The following C13orf42 variants were observed in gnomAD, a reference collection of about 807,000 sequenced individuals.
The protein encoded by C13orf42 is chromosome 13 open reading frame 42, also known as uncharacterized protein C13orf42.
In C13orf42 at chr13:51,119,120, G is replaced by A. The variant is rs1045158670; in HGVS notation, n.137-5898C>T. Among the ~76,000 whole-genome samples the A allele has an allele frequency of 1.3e-4, 19 of 151,772 alleles. 2 individuals carry two copies. Among genetic ancestry groups the A allele is most frequent in the Admixed American group, 3.9e-4 (6 of 15,252 alleles). ...GCCCTGGTGTATGGTGTGCCCAGGC[G>A]TATGGCATGCCCAGGTGTACAGTAT... On this transcript the variant is annotated intron_variant and non_coding_transcript_variant, in intron 1 of 4. Transcript: ENST00000433280.
intron 1 of C13orf42, among the ~76,000 whole-genome samples, chr13:51,129,777 T>C (rs1475211544): frequency 6.6e-6 from 1 of 152,216 alleles, no homozygotes; most frequent in East Asian, 1.9e-4. Context: ...TGTTCTGTCA[T>C]AAAGAGGGGT....
intron 1 of C13orf42, among the ~76,000 whole-genome samples, chr13:51,092,741 T>A (rs1199900774): frequency 1.3e-5 from 2 of 152,102 alleles, no homozygotes; most frequent in Admixed American, 1.3e-4. Flanking sequence ...TTAATTTTAA[T>A]AAGCAAGTCA....
intron 1 of C13orf42, among the ~76,000 whole-genome samples, chr13:51,157,302 T>A (rs928549446): frequency 6.6e-6 from 1 of 152,096 alleles, no homozygotes; most frequent in Non-Finnish European, 1.5e-5. Flanking sequence ...AGCGCAGTGG[T>A]GTGCACGTGT....
At chr13:51,097,082 C>T (rs919597401) in intron 1 of C13orf42, among the ~76,000 whole-genome samples, 3 of 152,226 alleles carry the variant, frequency 2.0e-5, no homozygotes, top group Non-Finnish European at 4.4e-5. Context: ...GAGGATCACT[C>T]TATAGCAGTA....
chr13:51,171,816 G>C (rs1271765535), intron 1 of C13orf42, among the ~76,000 whole-genome samples: 1 of 151,812 alleles, frequency 6.6e-6, no homozygotes, highest in East Asian at 1.9e-4. Flanking sequence ...CCAGTTCATG[G>C]CTTGTTTGGC....
chr13:51,163,741 TCA>T (rs756651680), intron 1 of C13orf42, among the ~76,000 whole-genome samples: 1 of 152,092 alleles, frequency 6.6e-6, no homozygotes, highest in Non-Finnish European at 1.5e-5. Context: ...AACTCTGAAC[TCA>T]CATTCTTCTT....
At position 51,133,786 on chromosome 13, in the gene C13orf42, C is replaced by T. The variant is rs866451544; in HGVS notation, n.137-20564G>A. On this transcript the variant is annotated intron_variant and non_coding_transcript_variant, in intron 1 of 4. Transcript: ENST00000433280. ...TCCTGCATCTCGAACTCTGTGCCAC[C>T]GTGTGTCCAAGAGAAAAATGAGACA... Among the ~76,000 whole-genome samples, 29 of 152,196 alleles carry T rather than the reference C, an allele frequency of 1.9e-4. No homozygotes were observed. The Middle Eastern group carries it at 0.014, about 71-fold the overall frequency.
chr13:51,089,554 A>C (rs1379031644), intron 1 of C13orf42, among the ~76,000 whole-genome samples: 6 of 152,150 alleles, frequency 3.9e-5, no homozygotes, highest in Non-Finnish European at 7.4e-5. Flanking sequence ...TGCCTTGTGA[A>C]GAAGCTGCCT....
intron 1 of C13orf42, among the ~76,000 whole-genome samples, chr13:51,123,874 T>C (rs1022955538): frequency 2.6e-5 from 4 of 152,198 alleles, no homozygotes; most frequent in Non-Finnish European, 5.9e-5. Context: ...TAGTCTGAAC[T>C]AGCCTTCGGA....
rs145433173 is a variant in C13orf42, at chr13:51,105,836, G to A, written c.414+4960C>T. 2.2e-4 allele frequency among the ~76,000 whole-genome samples: 34 copies of A among 152,232 alleles called. No individual in the cohort carries two copies. In the East Asian group the frequency reaches 6.2e-3, roughly 28 times the overall value. On this transcript the variant is annotated intron_variant, in intron 1 of 3. Coordinates refer to ENST00000563710, the MANE Select transcript of C13orf42 (RefSeq NM_001351589.3). ...ATACGTTTTCCAGTCAAAAGATGCT[G>A]TAGATATATTGACAGTATGAGTTTC...
chr13:51,086,284 C>T (rs1214854653), intron 2 of C13orf42, among the ~76,000 whole-genome samples: 9 of 132,362 alleles, frequency 6.8e-5, no homozygotes, highest in Non-Finnish European at 1.1e-4. Context: ...ACAGCCTGGG[C>T]GATGGAGCGA....
chr13:51,132,198 T>C (rs1953622778), intron 1 of C13orf42, among the ~76,000 whole-genome samples: 1 of 152,206 alleles, frequency 6.6e-6, no homozygotes, highest in African/African-American at 2.4e-5. Context: ...ATCCCAGCAC[T>C]TTGGGAGGCC....
chr13:51,134,626 A>G (rs1490125016), intron 1 of C13orf42, among the ~76,000 whole-genome samples: 1 of 152,218 alleles, frequency 6.6e-6, no homozygotes, highest in Non-Finnish European at 1.5e-5. Flanking sequence ...GTCTGAGGTT[A>G]ATTTGATCAC....
intron 1 of C13orf42, among the ~76,000 whole-genome samples, chr13:51,088,457 T>C (rs1468817494): frequency 6.6e-6 from 1 of 152,350 alleles, no homozygotes; most frequent in South Asian, 2.1e-4. Context: ...AGGAAAGAGA[T>C]GATAGATCTC....
chr13:51,153,619 C>CTTTTTTTTTTTTTTTTTT (rs1953799149), intron 1 of C13orf42, among the ~76,000 whole-genome samples: 1 of 94,846 alleles, frequency 1.1e-5, no homozygotes, highest in African/African-American at 3.6e-5. Flanking sequence ...TTCTTGCTTT[C>CTTTTTTTTTTTTTTTTTT]TGTTTTTTTT....
intron 1 of C13orf42, among the ~76,000 whole-genome samples, chr13:51,131,226 G>A (rs1953614300): frequency 6.6e-6 from 1 of 152,152 alleles, no homozygotes; most frequent in African/African-American, 2.4e-5. Flanking sequence ...CTCTCTACCT[G>A]ATTCCTCCAG....
intron 1 of C13orf42, among the ~76,000 whole-genome samples, chr13:51,121,956 T>C (rs1202863187): frequency 6.6e-6 from 1 of 152,178 alleles, no homozygotes; most frequent in East Asian, 1.9e-4. Context: ...ATTCACAATG[T>C]AATAAGCGGA....
At chr13:51,122,559 A>G (rs1303879048) in intron 1 of C13orf42, among the ~76,000 whole-genome samples, 1 of 151,928 alleles carries the variant, frequency 6.6e-6, no homozygotes, top group East Asian at 1.9e-4. Flanking sequence ...AAAAGAAAGA[A>G]AAAAAGGAAA....
chr13:51,153,301 G>A (rs1172005849), intron 1 of C13orf42, among the ~76,000 whole-genome samples: 1 of 151,934 alleles, frequency 6.6e-6, no homozygotes, highest in Non-Finnish European at 1.5e-5. Flanking sequence ...GCCCTCCTCA[G>A]AGTGTGGGAG....
Sources: gnomAD v4.1 joint callset for allele counts (sites outside exome capture counted in the v4.1 genomes callset) on GRCh38, gnomAD v4.1.1 for gene constraint, MANE v1.5 for transcripts, NCBI Gene and HGNC (gene_info 2026-07-23, HGNC 2026-07-21) for gene names.